SYN1: variants seen among roughly 807,000 people sequenced by gnomAD.
SYN1 encodes the protein synapsin I.
A neutral mutation model predicts 44.6 loss-of-function variants in SYN1; 8 were observed. That is an observed-to-expected ratio of 0.18 (90% CI 0.11 to 0.32). The LOEUF is 0.32. Among genes scored for constraint, SYN1 ranks in the 10% least tolerant of loss-of-function variants. The pLI, the probability that SYN1 is intolerant of heterozygous loss-of-function variation, is 1.00. For synonymous variants in SYN1, 275 were observed against 280.1 expected, an observed-to-expected ratio of 0.98 and a Z score of 0.18; for missense variants, 451 against 639.4, an observed-to-expected ratio of 0.71 and a Z score of 3.18.
At chrX:47,586,644 G>A (rs1265420217) in intron 5 of SYN1, 1 of 1,211,444 alleles carries the variant, frequency 8.3e-7, no homozygotes, top group Admixed American at 2.2e-5. Flanking sequence ...CCTGCCTCGG[G>A]AGCCAGGGCT....
At chrX:47,576,765 A>G (rs2057779079) in intron 6 of SYN1, 125 bp from the exon 7 acceptor site, 1 of 899,584 alleles carries the variant, frequency 1.1e-6, no homozygotes, top group Non-Finnish European at 1.6e-6. Flanking sequence ...TTAGGTGGAC[A>G]TGCCAAGGCG....
At chrX:47,599,020 C>A (rs776721651) in intron 5 of SYN1, among the ~76,000 whole-genome samples, 58 of 100,751 alleles carry the variant, frequency 5.8e-4, no homozygotes, top group African/African-American at 1.8e-3. Flanking sequence ...GACCCTGTAT[C>A]AAAAAAAAAT....
chrX:47,589,926 C>T (rs1400849259), intron 5 of SYN1: 1 of 111,611 alleles, frequency 9.0e-6, no homozygotes, highest in Non-Finnish European at 1.9e-5. Context: ...TGATATTAGG[C>T]ATGATAATAT....
At position 47,574,697 on chromosome X, in the gene SYN1, G is replaced by A. The variant is rs2057771865; in HGVS notation, c.1384C>T (p.Pro462Ser). 8.5e-7 allele frequency: 1 copy of A among 1,182,211 alleles called. No homozygotes were observed. The highest frequency in any genetic ancestry group is 1.1e-6 in the Non-Finnish European group (1 of 881,447). Reference sequence around the variant, plus strand: ...CCAGCCTCTCGCTTACCCTGTGGTGGGGGTCGCTGCTGAGCCGGGGGCCCT... The same window carrying A: ...CCAGCCTCTCGCTTACCCTGTGGTGAGGGTCGCTGCTGAGCCGGGGGCCCT... The part of the protein sequence containing the change: ...PAGPPAQQRP[P>S]PQGGPPQPGP... Residue 462 changes from proline to serine, a missense_variant, in exon 11 of 13, where the codon CCA becomes TCA. Coordinates refer to ENST00000295987, the MANE Select transcript of SYN1 (RefSeq NM_006950.3).
chrX:47,610,881 C>T, intron 1 of SYN1, among the ~76,000 whole-genome samples: 1 of 111,312 alleles, frequency 9.0e-6, no homozygotes, highest in Non-Finnish European at 1.9e-5. Context: ...GAAAACCCAC[C>T]AGCTGATTAA....
chrX:47,587,894 A>C (rs924445837), intron 5 of SYN1, among the ~76,000 whole-genome samples: 14 of 110,799 alleles, frequency 1.3e-4, no homozygotes, highest in Non-Finnish European at 3.8e-5. Context: ...AAAGGGCCCC[A>C]ATATATCTCC....
In SYN1 at chrX:47,574,190, G is replaced by C. The variant is rs2057769499; in HGVS notation, c.1794C>G (p.Ala598=). ...CCTGGCTGGCCTGGCGTGTGGGGCC[G>C]GCTGGGCCTGGGGGTTTCTGGGGCG... is the stretch of plus-strand genomic sequence containing the variant. ...QGPPQKPPGP[A]GPTRQASQAG... is the part of the protein sequence containing the mutation. The change falls in exon 12 of 13, where the codon GCC becomes GCG. Residue 598 remains alanine (A), a synonymous_variant. Transcript: ENST00000295987. 2 of 1,061,092 alleles carry C rather than the reference G, an allele frequency of 1.9e-6. No individual in the cohort carries two copies. The highest frequency in any genetic ancestry group is 2.4e-6 in the Non-Finnish European group (2 of 829,474). The allele number at this position is 1,061,092 out of a possible 1,213,427, so 87.4% of individuals were successfully genotyped here.
Position 47,571,915 on chromosome X carries a change from T to C in SYN1, c.*949A>G, listed in dbSNP as rs755300731. On this transcript the variant is annotated 3_prime_UTR_variant, in exon 13 of 13. Transcript: ENST00000295987. ...GCACAGAATTCTGCTGGGCCTTTGC[T>C]TGTTTATTTTGTTTCCCGACTCTTC... 6.3e-5 allele frequency: 11 copies of C among 175,134 alleles called. No homozygotes were observed. Among genetic ancestry groups the C allele is most frequent in the Non-Finnish European group, 1.2e-4 (11 of 93,516 alleles). 14.4% of individuals were successfully genotyped at this position (175,134 alleles called of 1,213,427 possible).
chrX:47,590,772 G>A (rs1261481344), intron 5 of SYN1, among the ~76,000 whole-genome samples: 1 of 112,107 alleles, frequency 8.9e-6, no homozygotes, highest in East Asian at 2.8e-4. Context: ...GCTCACCCCT[G>A]TTCTTCCTGC....
chrX:47,608,886 G>GACAGAC (rs1556861028), intron 1 of SYN1, among the ~76,000 whole-genome samples: 2 of 89,543 alleles, frequency 2.2e-5, no homozygotes, highest in African/African-American at 4.4e-5. Flanking sequence ...GTCTTGGACA[G>GACAGAC]ACACACACAC....
chrX:47,588,368 T>A (rs1188384435), intron 5 of SYN1, among the ~76,000 whole-genome samples: 1 of 112,778 alleles, frequency 8.9e-6, no homozygotes, highest in Non-Finnish European at 1.9e-5. Context: ...TAGTGTCAGC[T>A]ACCTGCACTC....
intron 6 of SYN1, among the ~76,000 whole-genome samples, chrX:47,576,910 ACTAT>A (rs1055050166): frequency 3.6e-5 from 4 of 111,870 alleles, no homozygotes; most frequent in African/African-American, 9.8e-5. Context: ...GGGTGTGTGA[ACTAT>A]CTCTCACTAA....
intron 5 of SYN1, chrX:47,583,464 C>T: frequency 8.3e-7 from 1 of 1,207,980 alleles, no homozygotes; most frequent in Non-Finnish European, 1.1e-6. Flanking sequence ...GTTGCTGTGG[C>T]TGATAGCCCC....
chrX:47,590,732 C>T (rs1249643294), intron 5 of SYN1, among the ~76,000 whole-genome samples: 3 of 110,693 alleles, frequency 2.7e-5, no homozygotes, highest in East Asian at 2.9e-4. Context: ...CAGGGACTCC[C>T]GCAGCCACAG....
chrX:47,577,676 G>A (rs781069790), intron 5 of SYN1, among the ~76,000 whole-genome samples, 175 bp from the exon 6 acceptor site: 63 of 110,560 alleles, frequency 5.7e-4, no homozygotes, highest in Non-Finnish European at 9.7e-4. Flanking sequence ...CTCCACCTCC[G>A]GGCCCAGAAT....
chrX:47,594,409 C>T (rs56172801), intron 5 of SYN1, among the ~76,000 whole-genome samples: 40 of 109,276 alleles, frequency 3.7e-4, no homozygotes, highest in Middle Eastern at 4.7e-3. Context: ...TGGCACACAC[C>T]TGTAGTCCCA....
At chrX:47,618,944 G>A (rs1053845077) in intron 1 of SYN1, among the ~76,000 whole-genome samples, 2 of 111,251 alleles carry the variant, frequency 1.8e-5, no homozygotes, top group African/African-American at 6.6e-5. Flanking sequence ...AGGCCTTGGG[G>A]AAGGGCTCTT....
In SYN1 at chrX:47,604,987, G is replaced by C; in HGVS notation, c.765C>G (p.His255Gln). The change falls in exon 5 of 13, where the codon CAC becomes CAG. Residue 255 changes from histidine to glutamine, a missense_variant. Around this residue, in one of 3 missense-constraint regions of SYN1, gnomAD observed 315 missense variants for 451.4 expected, o/e 0.70. Transcript: ENST00000295987. ...PLIDQTFYPN[H>Q]KEMLSSTTYP... Reference sequence around the variant, plus strand: ...TTTTCCCCAAACTCACCATTTCTTTGTGATTGGGGTAGAAGGTCTGATCAA... The same window carrying C: ...TTTTCCCCAAACTCACCATTTCTTTCTGATTGGGGTAGAAGGTCTGATCAA... The C allele has an allele frequency of 1.7e-6, 2 of 1,210,499 alleles. No individual in the cohort carries two copies. Among genetic ancestry groups the C allele is most frequent in the Non-Finnish European group, 2.2e-6 (2 of 894,440 alleles).
intron 1 of SYN1, among the ~76,000 whole-genome samples, chrX:47,609,383 G>A (rs779961010): frequency 9.0e-6 from 1 of 110,762 alleles, no homozygotes; most frequent in African/African-American, 3.4e-5. Flanking sequence ...CCTCAATCTG[G>A]GCTGACTCTG....
Sources: gnomAD v4.1 joint callset for allele counts (sites outside exome capture counted in the v4.1 genomes callset) on GRCh38, gnomAD v4.1.1 for gene constraint, gnomAD v4.1.1 regional missense constraint, MANE v1.5 for transcripts, NCBI Gene and HGNC (gene_info 2026-07-23, HGNC 2026-07-21) for gene names.